ROBO2: variants seen among roughly 807,000 people sequenced by gnomAD.
The protein encoded by ROBO2 is roundabout guidance receptor 2, also known as roundabout homolog 2.
In ROBO2, 53 loss-of-function variants were observed where a neutral mutation model predicts 160.8. The ratio of observed to expected loss-of-function variants is 0.33; its 90% CI spans 0.26 to 0.41. The LOEUF (loss-of-function observed/expected upper bound fraction) is 0.41, where lower values mean the gene tolerates loss of function less well. Ranked by LOEUF, ROBO2 falls within the 10% of genes least tolerant of loss-of-function variation. The probability of loss-of-function intolerance (pLI) is 1.00; values close to 1 mark genes in which losing one functional copy is unlikely to be tolerated. For synonymous variants in ROBO2, 664 were observed against 611.7 expected (o/e 1.09, Z -1.26); for missense variants, 1,577 against 1,722.4 (o/e 0.92, Z 1.49).
At chr3:76,027,820 T>C (rs1399370289) in intron 2 of ROBO2, among the ~76,000 whole-genome samples, 1 of 152,014 alleles carries the variant, frequency 6.6e-6, no homozygotes, top group African/African-American at 2.4e-5. Flanking sequence ...ATTTGTTTTT[T>C]ACATGAAATT....
chr3:77,477,662 AC>A, intron 3 of ROBO2, 91 bp downstream of exon 3: 1 of 1,253,482 alleles, frequency 8.0e-7, no homozygotes, highest in African/African-American at 1.5e-5. Context: ...CATTATTAAT[AC>A]AATTGTATTT....
chr3:76,780,207 GT>G (rs373457051), intron 2 of ROBO2, among the ~76,000 whole-genome samples: 7 of 146,156 alleles, frequency 4.8e-5, no homozygotes, highest in South Asian at 2.1e-4. Context: ...TTGTTTGTTT[GT>G]TTTTTTTTTG....
At chr3:76,200,026 A>C (rs181045972) in intron 2 of ROBO2, among the ~76,000 whole-genome samples, 107 of 152,300 alleles carry the variant, frequency 7.0e-4, no homozygotes, top group Non-Finnish European at 1.3e-3. Context: ...ATAAAAAAAC[A>C]ACTTTTTTCT....
At chr3:76,944,243 G>T (rs1161128115) in intron 2 of ROBO2, among the ~76,000 whole-genome samples, 4 of 151,442 alleles carry the variant, frequency 2.6e-5, no homozygotes, top group African/African-American at 7.3e-5. Context: ...TCCTATACTG[G>T]CAAGTTATCA....
chr3:76,700,784 T>A (rs547371391), intron 2 of ROBO2, among the ~76,000 whole-genome samples: 1 of 152,248 alleles, frequency 6.6e-6, no homozygotes, highest in East Asian at 1.9e-4. Context: ...ACTTTAAAAA[T>A]AATTTTCTTT....
At chr3:76,635,542 A>G (rs1265661876) in intron 2 of ROBO2, among the ~76,000 whole-genome samples, 2 of 152,146 alleles carry the variant, frequency 1.3e-5, no homozygotes, top group Non-Finnish European at 2.9e-5. Context: ...TACTTTGCAA[A>G]TGTTCATTTT....
At chr3:76,634,046 A>G (rs754098568) in intron 2 of ROBO2, among the ~76,000 whole-genome samples, 7 of 152,252 alleles carry the variant, frequency 4.6e-5, no homozygotes, top group Non-Finnish European at 1.0e-4. Context: ...ATTTGCTAAC[A>G]TCACAATTAT....
intron 1 of ROBO2, among the ~76,000 whole-genome samples, chr3:77,071,698 T>C (rs1484107845): frequency 6.6e-6 from 1 of 151,860 alleles, no homozygotes; most frequent in Non-Finnish European, 1.5e-5. Flanking sequence ...CACTGCTGTC[T>C]TTGCTGTTCC....
At chr3:76,726,356 A>G (rs1345357898) in intron 2 of ROBO2, among the ~76,000 whole-genome samples, 1 of 152,136 alleles carries the variant, frequency 6.6e-6, no homozygotes, top group Non-Finnish European at 1.5e-5. Flanking sequence ...AAATTAGGCT[A>G]TGATTTTTTT....
At chr3:77,497,291 C>G (rs1034358219) in intron 5 of ROBO2, among the ~76,000 whole-genome samples, 2 of 152,142 alleles carry the variant, frequency 1.3e-5, no homozygotes, top group East Asian at 3.9e-4. Context: ...TTTCATAACA[C>G]TAACGTGAGA....
intron 2 of ROBO2, among the ~76,000 whole-genome samples, chr3:77,034,198 A>T (rs2063490806): frequency 6.6e-6 from 1 of 151,882 alleles, no homozygotes; most frequent in Non-Finnish European, 1.5e-5. Flanking sequence ...TATATGTCAT[A>T]TTATTGCTTT....
intron 2 of ROBO2, among the ~76,000 whole-genome samples, chr3:76,661,834 A>G (rs2091834365): frequency 6.6e-6 from 1 of 152,070 alleles, no homozygotes; most frequent in African/African-American, 2.4e-5. Flanking sequence ...AGGGAAGGAG[A>G]TTGTCTACAG....
intron 2 of ROBO2, among the ~76,000 whole-genome samples, chr3:76,586,294 C>T (rs1038856844): frequency 3.9e-5 from 6 of 152,112 alleles, no homozygotes; most frequent in African/African-American, 1.4e-4. Flanking sequence ...TGTGTTTTAG[C>T]CATAATTAGA....
intron 2 of ROBO2, among the ~76,000 whole-genome samples, chr3:77,322,743 G>A (rs1560531053): frequency 7.4e-6 from 1 of 134,624 alleles, no homozygotes; most frequent in African/African-American, 2.8e-5. Context: ...TATGTTATAT[G>A]TTTATTTATA....
chr3:76,404,689 T>G (rs889167574), intron 2 of ROBO2, among the ~76,000 whole-genome samples: 4 of 151,320 alleles, frequency 2.6e-5, no homozygotes, highest in African/African-American at 9.7e-5. Context: ...TAGAGGTAGA[T>G]AAAGAAATGC....
At chr3:77,218,450 C>T (rs538214086) in intron 2 of ROBO2, among the ~76,000 whole-genome samples, 10 of 151,426 alleles carry the variant, frequency 6.6e-5, no homozygotes, top group South Asian at 4.2e-4. Context: ...TCTTGGCTCA[C>T]GCAAACTCCA....
chr3:75,912,380 TGGA>T, intron 1 of ROBO2, among the ~76,000 whole-genome samples: 1 of 152,314 alleles, frequency 6.6e-6, no homozygotes, highest in Middle Eastern at 3.4e-3. Context: ...ATAAATATAA[TGGA>T]GGGTTGAGAA....
At chr3:75,980,298 C>T (rs1017086074) in intron 2 of ROBO2, among the ~76,000 whole-genome samples, 1 of 151,538 alleles carries the variant, frequency 6.6e-6, no homozygotes, top group Admixed American at 6.6e-5. Flanking sequence ...TGCTTGAAAA[C>T]GGAAAACACT....
intron 2 of ROBO2, among the ~76,000 whole-genome samples, chr3:76,330,012 A>G (rs2073360112): frequency 1.3e-5 from 2 of 152,066 alleles, no homozygotes; most frequent in Admixed American, 1.3e-4. Context: ...GTGAAAACAT[A>G]GTACTTAAAT....
Sources: allele counts gnomAD v4.1 joint callset (sites outside exome capture counted in the v4.1 genomes callset), GRCh38; gene constraint gnomAD v4.1.1; transcripts MANE v1.5; gene names NCBI Gene and HGNC (gene_info 2026-07-23, HGNC 2026-07-21).